The following SPDYA variants were observed in gnomAD, a reference collection of about 807,000 sequenced individuals.
SPDYA encodes the protein speedy/RINGO cell cycle regulator family member A, also known as speedy protein A.
A neutral mutation model predicts 36.7 loss-of-function variants in SPDYA; 11 were observed. That is an observed-to-expected ratio of 0.30 (90% CI 0.19 to 0.50). The LOEUF (loss-of-function observed/expected upper bound fraction) is 0.50. Among genes scored for constraint, SPDYA ranks in the 20% least tolerant of loss-of-function variants. The pLI is 0.98. For synonymous variants in SPDYA, 115 were observed against 118.7 expected, an observed-to-expected ratio of 0.97 and a Z score of 0.20; for missense variants, 287 against 370.9, an observed-to-expected ratio of 0.77 and a Z score of 1.86.
At chr2:28,834,743 T>TTA (rs1668553983) in intron 6 of SPDYA, among the ~76,000 whole-genome samples, 1 of 152,208 alleles carries the variant, frequency 6.6e-6, no homozygotes, top group Admixed American at 6.5e-5. Flanking sequence ...TGTGATTGCT[T>TTA]TATATATAGA....
chr2:28,848,658 T>A (rs987447206), intron 7 of SPDYA, among the ~76,000 whole-genome samples: 2 of 152,168 alleles, frequency 1.3e-5, no homozygotes, highest in Non-Finnish European at 2.9e-5. Context: ...TAATAAAAAA[T>A]TTACACACAT....
chr2:28,819,367 G>C (rs906738795), intron 4 of SPDYA, among the ~76,000 whole-genome samples: 1 of 151,992 alleles, frequency 6.6e-6, no homozygotes, highest in African/African-American at 2.4e-5. Context: ...AATTAGCCAA[G>C]TGTGGTGGCA....
chr2:28,849,934 A>C lies in SPDYA; in HGVS notation c.935A>C (p.Glu312Ala). The C allele has an allele frequency of 6.3e-7, 1 of 1,588,942 alleles. No individual in the cohort carries two copies. Among genetic ancestry groups the C allele is most frequent in the Non-Finnish European group, 8.5e-7 (1 of 1,171,708 alleles). The change falls in exon 8 of 8, where the codon GAA (glutamate) becomes GCA (alanine). Residue 312 changes from glutamate (E) to alanine (A), a missense_variant. Transcript: ENST00000334056. ...DKSMEWFTGS[E>A]E ...TCTATGGAGTGGTTTACAGGAAGTG[A>C]AGAATGAGATGGCCCAACTAAACCA...
chr2:28,813,088 G>A (rs1372136640), intron 1 of SPDYA, among the ~76,000 whole-genome samples: 1 of 152,132 alleles, frequency 6.6e-6, no homozygotes, highest in African/African-American at 2.4e-5. Context: ...GACTAGCATT[G>A]ATAGCTTCTC....
At chr2:28,817,786 G>C (rs1215861039) in intron 3 of SPDYA, among the ~76,000 whole-genome samples, 1 of 143,310 alleles carries the variant, frequency 7.0e-6, no homozygotes, top group Non-Finnish European at 1.5e-5. Flanking sequence ...GGGAGGTGGA[G>C]GCTACAGTTG....
intron 2 of SPDYA, 96 bp from the exon 3 acceptor site, chr2:28,815,901 C>T: frequency 1.3e-6 from 1 of 769,482 alleles, no homozygotes; most frequent in Non-Finnish European, 2.0e-6. Context: ...AGTTTAGTAA[C>T]ATTTTATATG....
chr2:28,844,907 T>C (rs1422309252), intron 7 of SPDYA, among the ~76,000 whole-genome samples: 1 of 152,024 alleles, frequency 6.6e-6, no homozygotes, highest in East Asian at 1.9e-4. Flanking sequence ...TACTCCAGCC[T>C]GGGCAACAGA....
At chr2:28,840,566 T>A in intron 7 of SPDYA, 97 bp downstream of exon 7, 1 of 1,480,422 alleles carries the variant, frequency 6.8e-7, no homozygotes, top group Non-Finnish European at 8.9e-7. Flanking sequence ...ATTTATATAC[T>A]CCAACAATAT....
intron 4 of SPDYA, among the ~76,000 whole-genome samples, chr2:28,821,197 C>CTTTTTTTTTTT (rs11464702): frequency 4.0e-5 from 4 of 98,842 alleles, no homozygotes; most frequent in East Asian, 3.1e-4. Flanking sequence ...TTTTCTTTTT[C>CTTTTTTTTTTT]TTTTTTTTTT....
chr2:28,821,199 T>C (rs1319533437), intron 4 of SPDYA, among the ~76,000 whole-genome samples: 4 of 46,134 alleles, frequency 8.7e-5, no homozygotes, highest in African/African-American at 1.4e-4. Context: ...TTCTTTTTCT[T>C]TTTTTTTTTT....
At chr2:28,835,458 A>C (rs1396615427) in intron 6 of SPDYA, among the ~76,000 whole-genome samples, 3 of 152,164 alleles carry the variant, frequency 2.0e-5, no homozygotes, top group Non-Finnish European at 4.4e-5. Flanking sequence ...GCTGGTCTCA[A>C]ACTCCTGATC....
At chr2:28,820,080 T>C (rs1201496170) in intron 4 of SPDYA, among the ~76,000 whole-genome samples, 1 of 151,274 alleles carries the variant, frequency 6.6e-6, no homozygotes, top group Admixed American at 6.6e-5. Context: ...TGATCAGTTA[T>C]TACCTTTTAT....
intron 4 of SPDYA, among the ~76,000 whole-genome samples, chr2:28,820,635 T>C (rs1188865631): frequency 6.6e-6 from 1 of 152,156 alleles, no homozygotes; most frequent in African/African-American, 2.4e-5. Flanking sequence ...TTTTTCAATT[T>C]TTTTCTTTTA....
intron 7 of SPDYA, among the ~76,000 whole-genome samples, chr2:28,844,592 G>C (rs1051596487): frequency 6.6e-6 from 1 of 152,174 alleles, no homozygotes; most frequent in African/African-American, 2.4e-5. Flanking sequence ...AGGTAGGCTA[G>C]GCTAAGCTGT....
intron 5 of SPDYA, among the ~76,000 whole-genome samples, chr2:28,827,060 T>G (rs1668346281): frequency 1.4e-5 from 2 of 145,472 alleles, no homozygotes. Context: ...TGCCTCAGCC[T>G]CCCGAGTAGC....
chr2:28,828,862 A>G (rs956097574), intron 5 of SPDYA, among the ~76,000 whole-genome samples: 2 of 152,246 alleles, frequency 1.3e-5, no homozygotes, highest in Non-Finnish European at 2.9e-5. Flanking sequence ...ACATTGTTCC[A>G]GATCCACCTA....
intron 6 of SPDYA, 131 bp from the exon 7 acceptor site, chr2:28,840,041 T>C (rs1668711584): frequency 1.2e-6 from 1 of 832,002 alleles, no homozygotes; most frequent in Non-Finnish European, 1.8e-6. Context: ...AAGTGCTTTG[T>C]TTTTTAAATC....
chr2:28,819,835 A>AT (rs1668089267), intron 4 of SPDYA, among the ~76,000 whole-genome samples: 1 of 50,626 alleles, frequency 2.0e-5, no homozygotes, highest in African/African-American at 8.0e-5. Flanking sequence ...AAAAAAAAAA[A>AT]AAAAAAAAAA....
At chr2:28,814,149 G>T (rs886461177) in intron 1 of SPDYA, among the ~76,000 whole-genome samples, 80 of 152,226 alleles carry the variant, frequency 5.3e-4, no homozygotes, top group Non-Finnish European at 1.0e-3. Context: ...ATCTAATATG[G>T]TAGCCACTGG....
Sources: allele counts gnomAD v4.1 joint callset (sites outside exome capture counted in the v4.1 genomes callset), GRCh38; gene constraint gnomAD v4.1.1; transcripts MANE v1.5; gene names NCBI Gene and HGNC (gene_info 2026-07-23, HGNC 2026-07-21).